The following FRMPD4 variants were observed in gnomAD, a reference collection of about 807,000 sequenced individuals.
The protein encoded by FRMPD4 is FERM and PDZ domain containing 4.
A neutral mutation model predicts 94.1 loss-of-function variants in FRMPD4; 22 were observed. That is an observed-to-expected ratio of 0.23 (90% CI 0.17 to 0.33). FRMPD4 has a LOEUF of 0.33. Ranked by LOEUF, FRMPD4 falls within the 10% of genes least tolerant of loss-of-function variation. FRMPD4 has a pLI of 1.00. For synonymous variants in FRMPD4, 631 were observed against 548.6 expected (o/e 1.15, Z -2.10); for missense variants, 1,111 against 1,339.9 (o/e 0.83, Z 2.67).
rs7890382 is a variant in FRMPD4 at position 12,362,148 on chromosome X, C to G, written c.42-136532C>G. Reference sequence around the variant, plus strand: ...GGAAAGTCTGTCATCTAGAAACTTTCTTTATCCTACCCAATAGTAACTGAC... The same window carrying G: ...GGAAAGTCTGTCATCTAGAAACTTTGTTTATCCTACCCAATAGTAACTGAC... On this transcript the variant is annotated intron_variant, in intron 1 of 16. Coordinates refer to ENST00000675598, the MANE Select transcript of FRMPD4 (RefSeq NM_001368397.1). 7.7e-3 allele frequency among the ~76,000 whole-genome samples: 810 copies of G among 105,448 alleles called. 14 individuals carry two copies. Among genetic ancestry groups the G allele is most frequent in the African/African-American group, 0.026 (761 of 28,870 alleles). The allele number at this position is 105,448 out of a possible 115,157, so 91.6% of individuals were successfully genotyped here.
At chrX:12,517,032 G>C (rs749070831) in intron 2 of FRMPD4, among the ~76,000 whole-genome samples, 1 of 107,863 alleles carries the variant, frequency 9.3e-6, no homozygotes, top group East Asian at 3.0e-4. Context: ...TGAAGTTCTT[G>C]TGTTGTGTTT....
chrX:12,405,645 G>A (rs1231685210), intron 1 of FRMPD4, among the ~76,000 whole-genome samples: 1 of 111,706 alleles, frequency 9.0e-6, no homozygotes, highest in Non-Finnish European at 1.9e-5. Context: ...TGAAGACTTC[G>A]AACCTGTACC....
At chrX:12,474,995 C>A (rs1306398165) in intron 1 of FRMPD4, among the ~76,000 whole-genome samples, 3 of 111,624 alleles carry the variant, frequency 2.7e-5, no homozygotes, top group African/African-American at 9.8e-5. Flanking sequence ...CAAAGCCTAG[C>A]AGAGACACAA....
chrX:12,138,796 G>T lies in FRMPD4; in HGVS notation c.-176G>T, dbSNP rs2147563253. The T allele has an allele frequency of 1.6e-5, 6 of 364,222 alleles. No homozygotes were observed. The South Asian group carries it at 2.9e-4, about 18-fold the overall frequency. The allele number at this position is 364,222 out of a possible 1,213,427, so 30.0% of individuals were successfully genotyped here. ...CACACGCAGCTCGCGGCCGGAGGGG[G>T]GTAGCAGCCGCCGCCTCCAGGTGCA... is the stretch of plus-strand genomic sequence containing the variant. On this transcript the variant is annotated 5_prime_UTR_variant, in exon 1 of 17. Transcript: ENST00000675598.
At chrX:12,004,048 G>T in intron 3 of FRMPD4, among the ~76,000 whole-genome samples, 1 of 111,326 alleles carries the variant, frequency 9.0e-6, no homozygotes, top group South Asian at 3.8e-4. Flanking sequence ...CCCAATGCTG[G>T]CTGTATCATA....
intron 1 of FRMPD4, among the ~76,000 whole-genome samples, chrX:11,828,541 T>C (rs1413768008): frequency 8.9e-6 from 1 of 112,012 alleles, no homozygotes; most frequent in Non-Finnish European, 1.9e-5. Context: ...ATACAGGCAC[T>C]GTGAGTGAGT....
chrX:12,702,150 T>C lies in FRMPD4; in HGVS notation c.1070+140T>C, dbSNP rs893743145. On this transcript the variant is annotated intron_variant, in intron 10 of 16. Transcript: ENST00000675598. ...CCAGTGGCAAAATGTATGAATATCA[T>C]GCTCATTTCTGGCAGAAGAGATCCA... 1.3e-4 allele frequency: 70 copies of C among 534,458 alleles called. No individual in the cohort carries two copies. The Admixed American group carries it at 2.1e-3, about 16-fold the overall frequency. 44.0% of individuals were successfully genotyped at this position (534,458 alleles called of 1,213,427 possible).
At chrX:12,594,609 G>A (rs1229767255) in intron 2 of FRMPD4, among the ~76,000 whole-genome samples, 2 of 109,725 alleles carry the variant, frequency 1.8e-5, no homozygotes, top group Non-Finnish European at 3.8e-5. Flanking sequence ...CTAATTTTTT[G>A]TATTCTTAGT....
chrX:11,842,953 G>A (rs763160639), intron 1 of FRMPD4, among the ~76,000 whole-genome samples: 8 of 111,636 alleles, frequency 7.2e-5, no homozygotes, highest in East Asian at 2.8e-4. Flanking sequence ...GGCCTTTGAC[G>A]AAATTCAACA....
chrX:12,452,088 A>AC (rs1334485714), intron 1 of FRMPD4, among the ~76,000 whole-genome samples: 45 of 110,941 alleles, frequency 4.1e-4, no homozygotes, highest in Admixed American at 3.6e-3. Context: ...AATAATGTCA[A>AC]CCACAACCAG....
At chrX:11,852,442 C>CAAAAAAAA (rs374590200) in intron 1 of FRMPD4, among the ~76,000 whole-genome samples, 11 of 52,601 alleles carry the variant, frequency 2.1e-4, no homozygotes, top group African/African-American at 6.7e-4. Flanking sequence ...ACCCTGTCTC[C>CAAAAAAAA]AAAAAAAAAA....
At chrX:12,199,402 T>G (rs1337028731) in intron 1 of FRMPD4, among the ~76,000 whole-genome samples, 1 of 110,625 alleles carries the variant, frequency 9.0e-6, no homozygotes, top group Non-Finnish European at 1.9e-5. Flanking sequence ...ACAAAAGGCC[T>G]GAATAAAACA....
chrX:12,570,346 C>T (rs1450035331), intron 2 of FRMPD4, among the ~76,000 whole-genome samples: 2 of 110,691 alleles, frequency 1.8e-5, no homozygotes, highest in Non-Finnish European at 1.9e-5. Flanking sequence ...TGGAATCTTG[C>T]TCTGTTGCCC....
At chrX:12,097,251 A>C (rs1405445) in intron 3 of FRMPD4, among the ~76,000 whole-genome samples, 1 of 110,603 alleles carries the variant, frequency 9.0e-6, no homozygotes, top group Admixed American at 9.7e-5. Flanking sequence ...AGGATCTAAC[A>C]GCAGATCTCT....
intron 1 of FRMPD4, among the ~76,000 whole-genome samples, chrX:12,395,099 G>T (rs1378219790): frequency 8.9e-6 from 1 of 112,183 alleles, no homozygotes; most frequent in Non-Finnish European, 1.9e-5. Flanking sequence ...TGTTGGTGTA[G>T]GTGTTGGGCA....
At chrX:12,280,208 A>G (rs12010751) in intron 1 of FRMPD4, among the ~76,000 whole-genome samples, 53 of 108,680 alleles carry the variant, frequency 4.9e-4, no homozygotes, top group African/African-American at 1.6e-3. Context: ...TAGTCTAACC[A>G]TTTACTCCAA....
At chrX:12,323,031 T>C (rs1384264509) in intron 1 of FRMPD4, among the ~76,000 whole-genome samples, 1 of 111,893 alleles carries the variant, frequency 8.9e-6, no homozygotes, top group Non-Finnish European at 1.9e-5. Context: ...TATGTGCATG[T>C]GTGAAGTGTA....
At chrX:12,105,853 TA>T (rs2055292860) in intron 3 of FRMPD4, among the ~76,000 whole-genome samples, 1 of 112,170 alleles carries the variant, frequency 8.9e-6, no homozygotes, top group Admixed American at 9.4e-5. Flanking sequence ...GTCTTATAAG[TA>T]AATTAAAATC....
intron 3 of FRMPD4, among the ~76,000 whole-genome samples, chrX:12,610,787 C>T (rs1481327797): frequency 9.2e-6 from 1 of 108,867 alleles, no homozygotes; most frequent in African/African-American, 3.4e-5. Context: ...TAGCTGTGAT[C>T]TCTTCCATAT....
Sources: gnomAD v4.1 joint callset for allele counts (sites outside exome capture counted in the v4.1 genomes callset) on GRCh38, gnomAD v4.1.1 for gene constraint, MANE v1.5 for transcripts, NCBI Gene and HGNC (gene_info 2026-07-23, HGNC 2026-07-21) for gene names.